The following SAMD14 variants were observed in gnomAD, a reference collection of about 807,000 sequenced individuals.
The protein encoded by SAMD14 is sterile alpha motif domain containing 14.
In SAMD14, 27 loss-of-function variants were observed where a neutral mutation model predicts 46.2. The observed-to-expected ratio is 0.58, with a 90% CI of 0.43 to 0.81. SAMD14 has a LOEUF of 0.81. SAMD14 is among the 30% of genes least tolerant of loss of function. SAMD14 has a pLI of 0.00. For missense variants in SAMD14, 559 were observed against 582.2 expected (o/e 0.96, Z 0.41); for synonymous variants, 241 against 254.3 (o/e 0.95, Z 0.50).
chr17:50,110,284 A>G lies in SAMD14; in HGVS notation c.*2609T>C. The G allele has an allele frequency of 1.8e-6, 1 of 543,108 alleles. No individual in the cohort carries two copies. The highest frequency in any genetic ancestry group is 4.4e-5 in the South Asian group (1 of 22,866). The allele number at this position is 543,108 out of a possible 1,614,324, so 33.6% of individuals were successfully genotyped here. A position where few individuals can be genotyped will look rare whatever the true frequency, so the allele number is the denominator to read the frequency against. ...CCTAAGTGCCAGTCCATCTCTGTGGAGACCCCTCGGTGGCCTCCCTATCTC... is the reference window on the plus strand; with the variant it reads ...CCTAAGTGCCAGTCCATCTCTGTGGGGACCCCTCGGTGGCCTCCCTATCTC... On this transcript the variant is annotated 3_prime_UTR_variant, in exon 10 of 10. Coordinates refer to ENST00000330175, the MANE Select transcript of SAMD14 (RefSeq NM_001257359.2).
intron 2 of SAMD14, chr17:50,124,190 T>C (rs1489995103): frequency 2.2e-6 from 1 of 456,214 alleles, no homozygotes; most frequent in Non-Finnish European, 4.4e-6. Context: ...CTGGGAACTC[T>C]GCCCAGCTGG....
rs1338527358 is a variant in SAMD14 at position 50,117,651 on chromosome 17, A to T, written c.255T>A (p.Pro85=). 6.5e-7 allele frequency: 1 copy of T among 1,548,748 alleles called. No individual in the cohort carries two copies. The highest frequency in any genetic ancestry group is 1.9e-5 in the Admixed American group (1 of 53,400). ...CCGGGGACCCCGGGCCTGAGTGCAAAGGCGAGCGCAGCCGGTGCAGGGGGC... is the reference window on the plus strand; with the variant it reads ...CCGGGGACCCCGGGCCTGAGTGCAATGGCGAGCGCAGCCGGTGCAGGGGGC... The part of the protein sequence containing the change: ...CGSPLHRLRS[P]LHSGPGSPAG... Residue 85 remains proline (P), a synonymous_variant, in exon 4 of 10, where the codon CCT becomes CCA. Transcript: ENST00000330175.
At chr17:50,118,976 G>C (rs776894195) in intron 2 of SAMD14, among the ~76,000 whole-genome samples, 3 of 152,220 alleles carry the variant, frequency 2.0e-5, no homozygotes, top group African/African-American at 4.8e-5. Context: ...TTTGAGCCTG[G>C]CTAGGCTGGC....
Position 50,110,072 on chromosome 17 carries a change from A to T in SAMD14, c.*2821T>A. 6.2e-7 allele frequency: 1 copy of T among 1,610,822 alleles called. No individual in the cohort carries two copies. Among genetic ancestry groups the T allele is most frequent in the Non-Finnish European group, 8.5e-7 (1 of 1,178,530 alleles). ...TGTGTGCCCAGCACGGAGCCCAAGA[A>T]CACGTCCACGTACCGCGTCAGCTAA... On this transcript the variant is annotated 3_prime_UTR_variant, in exon 10 of 10. Transcript: ENST00000330175.
chr17:50,128,514 C>CA (rs1555563464), intron 1 of SAMD14, among the ~76,000 whole-genome samples: 2,815 of 137,374 alleles, frequency 0.02, 34 homozygotes, highest in Non-Finnish European at 0.023. Flanking sequence ...ACACACACAC[C>CA]CCCATTCAGC....
In SAMD14 at chr17:50,121,275, G is replaced by A. The variant is rs377163451; in HGVS notation, c.44-2948C>T. Among the ~76,000 whole-genome samples the A allele has an allele frequency of 5.8e-5, 8 of 138,016 alleles. No homozygotes were observed. In the East Asian group the frequency reaches 1.6e-3, roughly 27 times the overall value. The allele number at this position is 138,016 out of a possible 152,430, so 90.5% of individuals were successfully genotyped here. On this transcript the variant is annotated intron_variant, in intron 2 of 9. Transcript: ENST00000330175. ...CCTGCCTCCTGTCTGGCTCCTCCTCGTACCTTCCATGTGACTAGAAGAAAC... is the reference window on the plus strand; with the variant it reads ...CCTGCCTCCTGTCTGGCTCCTCCTCATACCTTCCATGTGACTAGAAGAAAC...
chr17:50,129,939 T>A lies in SAMD14; in HGVS notation c.-435A>T, dbSNP rs1040856502. On this transcript the variant is annotated 5_prime_UTR_variant, in exon 1 of 10. Transcript: ENST00000330175. This position sits in a 1 kb window ranked among gnomAD's most constrained non-coding sequence, Gnocchi z 5.6. Reference sequence around the variant, plus strand: ...CCTGGCCGGACGCGGGGCCCCCGCCTGGCAGGGCCGATTCGCGCGGCGTCG... The same window carrying A: ...CCTGGCCGGACGCGGGGCCCCCGCCAGGCAGGGCCGATTCGCGCGGCGTCG... The A allele has an allele frequency of 6.7e-6, 1 of 150,254 alleles. No homozygotes were observed. The highest frequency in any genetic ancestry group is 1.5e-5 in the Non-Finnish European group (1 of 67,556). 9.3% of individuals were successfully genotyped at this position (150,254 alleles called of 1,614,324 possible). A position where few individuals can be genotyped will look rare whatever the true frequency, so the allele number is the denominator to read the frequency against.
At chr17:50,123,750 AGG>A (rs1303145557) in intron 2 of SAMD14, among the ~76,000 whole-genome samples, 4 of 152,146 alleles carry the variant, frequency 2.6e-5, no homozygotes, top group African/African-American at 9.7e-5. Context: ...CTTTCACATC[AGG>A]AAGCAGTGAG....
At position 50,112,624 on chromosome 17, in the gene SAMD14, C is replaced by A; in HGVS notation, c.*269G>T. The A allele has an allele frequency of 2.7e-6, 1 of 367,070 alleles. No homozygotes were observed. Among genetic ancestry groups the A allele is most frequent in the Non-Finnish European group, 4.9e-6 (1 of 203,174 alleles). The allele number at this position is 367,070 out of a possible 1,614,324, so 22.7% of individuals were successfully genotyped here. A position where few individuals can be genotyped will look rare whatever the true frequency, so the allele number is the denominator to read the frequency against. On this transcript the variant is annotated 3_prime_UTR_variant, in exon 10 of 10. Coordinates refer to ENST00000330175, the MANE Select transcript of SAMD14 (RefSeq NM_001257359.2). ...TTGCCTCAGCCCTGGCCTCTCTGCC[C>A]TCTCCCCTTCATCTGCTCCTCCCCC...
rs1278303404 is a variant in SAMD14 at position 50,114,062 on chromosome 17, G to A, written c.960C>T (p.Leu320=). 3 of 1,613,668 alleles carry A rather than the reference G, an allele frequency of 1.9e-6. No individual in the cohort carries two copies. The Admixed American group carries it at 5.0e-5, about 27-fold the overall frequency. The change falls in exon 9 of 10, where the codon CTC becomes CTT. Residue 320 remains leucine (L), a synonymous_variant. Transcript: ENST00000330175. ...QSSDEFLDEP[L]PPVHHWTSQQ... ...GGCTGGTCCAGTGGTGGACAGGGGG[G>A]AGGGGTTCATCCAGGAACTGGGCAG...
intron 2 of SAMD14, chr17:50,124,293 A>C (rs1370292270): frequency 5.0e-6 from 2 of 403,554 alleles, no homozygotes; most frequent in African/African-American, 4.1e-5. Flanking sequence ...TGTACTGAGG[A>C]CGTGGGCGTG....
chr17:50,122,881 G>T (rs1911569262), intron 2 of SAMD14, among the ~76,000 whole-genome samples: 1 of 151,974 alleles, frequency 6.6e-6, no homozygotes, highest in African/African-American at 2.4e-5. Flanking sequence ...GTTGAAATGG[G>T]AGGGTGGACA....
At chr17:50,128,484 AC>A (rs1911882727) in intron 1 of SAMD14, among the ~76,000 whole-genome samples, 1 of 70,670 alleles carries the variant, frequency 1.4e-5, no homozygotes, top group Non-Finnish European at 3.4e-5. Context: ...ACACTCTCTC[AC>A]ACACACACAC....
chr17:50,127,205 T>C (rs1476599683), intron 1 of SAMD14, among the ~76,000 whole-genome samples: 1 of 152,182 alleles, frequency 6.6e-6, no homozygotes, highest in East Asian at 1.9e-4. Flanking sequence ...CTCCTGCCCC[T>C]CTGCGCTATC....
At position 50,112,887 on chromosome 17, in the gene SAMD14, C is replaced by T. The variant is rs200156044; in HGVS notation, c.*6G>A. 127 of 1,601,928 alleles carry T rather than the reference C, an allele frequency of 7.9e-5. No individual in the cohort carries two copies. The East Asian group carries it at 2.8e-3, about 35-fold the overall frequency. ...CTGCCGGGTGCCAGCGCCTGTGCAC[C>T]CTCCCCTAGCTCTTCTTGGCCTCCT... On this transcript the variant is annotated 3_prime_UTR_variant, in exon 10 of 10. Transcript: ENST00000330175.
rs1911926996 is a variant in SAMD14 at position 50,129,362 on chromosome 17, C to T, written c.-13+155G>A. On this transcript the variant is annotated intron_variant, in intron 1 of 9. Transcript: ENST00000330175. This position sits in a 1 kb window ranked among gnomAD's most constrained non-coding sequence, Gnocchi z 5.6. ...ATCCTATCTCCGCCCCCTCCCCTGACAGCCCGGCACCCCAGCCCCGTGCGG... is the reference window on the plus strand; with the variant it reads ...ATCCTATCTCCGCCCCCTCCCCTGATAGCCCGGCACCCCAGCCCCGTGCGG... Among the ~76,000 whole-genome samples, 2 of 152,164 alleles carry T rather than the reference C, an allele frequency of 1.3e-5. No individual in the cohort carries two copies. The highest frequency in any genetic ancestry group is 1.3e-4 in the Admixed American group (2 of 15,290).
rs200143878 is a variant in SAMD14 at position 50,116,082 on chromosome 17, G to A, written c.508C>T (p.Arg170Cys). Residue 170 changes from arginine to cysteine, a missense_variant, in exon 5 of 10, where the codon CGT becomes TGT. Transcript: ENST00000330175. ...RAEPHSEDDS[R>C]DASPPEPASP... is the part of the protein sequence containing the mutation. ...GCGGGCTCAGGAGGACTGGCGTCAC[G>A]GCTGTCATCTTTCCAGGGAGAGAAG... The A allele has an allele frequency of 3.8e-5, 62 of 1,613,396 alleles. No individual in the cohort carries two copies. Among genetic ancestry groups the A allele is most frequent in the Admixed American group, 1.0e-4 (6 of 59,962 alleles).
At chr17:50,116,905 T>C (rs1415407523) in intron 4 of SAMD14, among the ~76,000 whole-genome samples, 2 of 151,920 alleles carry the variant, frequency 1.3e-5, no homozygotes, top group East Asian at 2.0e-4. Flanking sequence ...TGTTTTGTTT[T>C]TGAGGCAAGG....
At chr17:50,125,161 C>A in intron 1 of SAMD14, 190 bp from the exon 2 acceptor site, 1 of 581,902 alleles carries the variant, frequency 1.7e-6, no homozygotes. Flanking sequence ...GGCGCCGGGG[C>A]AGGCAGTATA....
Sources: allele counts gnomAD v4.1 joint callset (sites outside exome capture counted in the v4.1 genomes callset), GRCh38; gene constraint gnomAD v4.1.1; non-coding constraint Gnocchi (gnomAD v3.1); transcripts MANE v1.5; gene names NCBI Gene and HGNC (gene_info 2026-07-23, HGNC 2026-07-21).